The following EXOC3L2 variants were observed in gnomAD, a reference collection of about 807,000 sequenced individuals.
The protein encoded by EXOC3L2 is exocyst complex component 3 like 2.
EXOC3L2 carries 17 observed loss-of-function variants against 44.4 expected under a neutral mutation model. The observed-to-expected ratio is 0.38, with a 90% CI of 0.26 to 0.57. The LOEUF (loss-of-function observed/expected upper bound fraction) is 0.57. Among genes scored for constraint, EXOC3L2 ranks in the 20% least tolerant of loss-of-function variants. The pLI is 0.65. For missense variants in EXOC3L2, 541 were observed against 588.4 expected (o/e 0.92, Z 0.83); for synonymous variants, 256 against 253.7 (o/e 1.01, Z -0.09).
At chr19:45,216,245 C>A in intron 10 of EXOC3L2, 51 bp from the exon 11 acceptor site, 3 of 1,598,260 alleles carry the variant, frequency 1.9e-6, no homozygotes, top group South Asian at 1.1e-5. Flanking sequence ...TTGACCCTGC[C>A]AATTCCTGCC....
At chr19:45,215,709 G>A (rs1969825149) in intron 11 of EXOC3L2, among the ~76,000 whole-genome samples, 2 of 152,130 alleles carry the variant, frequency 1.3e-5, no homozygotes, top group Non-Finnish European at 2.9e-5. Context: ...GTTGAATGCC[G>A]CCTGCGCCTG....
rs1425265249 is a variant in EXOC3L2 at position 45,217,635 on chromosome 19, G to C, written c.1891C>G (p.Pro631Ala). The change falls in exon 10 of 12, where the codon CCC becomes GCC. Residue 631 changes from proline (P) to alanine (A), a missense_variant. Coordinates refer to ENST00000413988, the MANE Select transcript of EXOC3L2 (RefSeq NM_001382422.1). ...HRRALVEYVR[P>A]LLRGRLRCSS... is the part of the protein sequence containing the mutation. ...CAGCGCAGGCGCCCACGGAGCAGGG[G>C]CCGCACGTACTCGACCAGCGCCCGC... 1 of 1,462,660 alleles carries C rather than the reference G, an allele frequency of 6.8e-7. No individual in the cohort carries two copies. The highest frequency in any genetic ancestry group is 1.8e-4 in the Middle Eastern group (1 of 5,592). The allele number at this position is 1,462,660 out of a possible 1,614,324, so 90.6% of individuals were successfully genotyped here.
chr19:45,231,457 C>CAAAAAAAAAAAA (rs34610401), intron 4 of EXOC3L2, among the ~76,000 whole-genome samples: 1 of 61,322 alleles, frequency 1.6e-5, no homozygotes, highest in African/African-American at 6.4e-5. Context: ...GACCCTGCCT[C>CAAAAAAAAAAAA]AAAAAAAAAA....
intron 9 of EXOC3L2, 39 bp downstream of exon 9, chr19:45,218,158 T>TACCCCCCCC: frequency 2.6e-5 from 27 of 1,034,902 alleles, no homozygotes; most frequent in Non-Finnish European, 3.2e-5. Flanking sequence ...TCCCCTCTTT[T>TACCCCCCCC]CCCCCACCCC....
intron 8 of EXOC3L2, among the ~76,000 whole-genome samples, chr19:45,222,074 G>GCA (rs1199206524): frequency 6.6e-6 from 1 of 151,824 alleles, no homozygotes; most frequent in Non-Finnish European, 1.5e-5. Flanking sequence ...GCACACTCAT[G>GCA]CACACGGCGC....
chr19:45,237,672 G>T (rs1970095576), intron 2 of EXOC3L2, among the ~76,000 whole-genome samples: 1 of 152,010 alleles, frequency 6.6e-6, no homozygotes, highest in African/African-American at 2.4e-5. Context: ...TGAGGATGAA[G>T]ACAGGGTGGT....
chr19:45,223,684 G>C (rs1157604299), intron 8 of EXOC3L2, among the ~76,000 whole-genome samples: 1 of 150,904 alleles, frequency 6.6e-6, no homozygotes, highest in African/African-American at 2.4e-5. Flanking sequence ...AGGTCGCACT[G>C]AGGTGACATT....
chr19:45,239,868 G>A (rs1224081951), intron 1 of EXOC3L2, among the ~76,000 whole-genome samples: 1 of 151,914 alleles, frequency 6.6e-6, no homozygotes, highest in East Asian at 1.9e-4. Flanking sequence ...TGGAGAAACA[G>A]GCTGAGAGGG....
intron 1 of EXOC3L2, among the ~76,000 whole-genome samples, chr19:45,244,683 CG>C (rs1462645502): frequency 6.6e-6 from 1 of 152,168 alleles, no homozygotes; most frequent in Admixed American, 6.5e-5. Flanking sequence ...GCCTTTTCCC[CG>C]GAGTCCCTAA....
chr19:45,213,915 C>T (rs1969806247), intron 11 of EXOC3L2, among the ~76,000 whole-genome samples: 1 of 152,010 alleles, frequency 6.6e-6, no homozygotes, highest in African/African-American at 2.4e-5. Context: ...GATCGCGCCA[C>T]TGCAGTCCAG....
chr19:45,229,856 T>TATATGTACATTAATGTACAC (rs201990272), intron 4 of EXOC3L2, among the ~76,000 whole-genome samples: 31,456 of 147,596 alleles, frequency 0.21, 5,763 homozygotes, highest in African/African-American at 0.5. Context: ...AAAATATATA[T>TATATGTACATTAATGTACAC]ATGTGTACAT....
intron 8 of EXOC3L2, among the ~76,000 whole-genome samples, chr19:45,223,305 TAGC>T (rs1568480993): frequency 6.6e-6 from 1 of 151,762 alleles, no homozygotes; most frequent in African/African-American, 2.4e-5. Context: ...TGGAGAAAAA[TAGC>T]AGGGAGTCGG....
In EXOC3L2 at chr19:45,228,162, T is replaced by C; in HGVS notation, c.1371+3A>G. On this transcript the variant is annotated splice_donor_region_variant and intron_variant, in intron 5 of 11. Transcript: ENST00000413988. The stretch of plus-strand genomic sequence containing the variant: ...CATCCCCCAGCCTCCCTCCACCTCC[T>C]ACCTCACACACATCCTGGGCCAGGC... 1.9e-6 allele frequency: 3 copies of C among 1,613,960 alleles called. No individual in the cohort carries two copies. The highest frequency in any genetic ancestry group is 2.5e-6 in the Non-Finnish European group (3 of 1,179,942).
At position 45,234,865 on chromosome 19, in the gene EXOC3L2, G is replaced by A. The variant is rs912952088; in HGVS notation, c.524-39C>T. On this transcript the variant is annotated intron_variant, in intron 2 of 11. Coordinates refer to ENST00000413988, the MANE Select transcript of EXOC3L2 (RefSeq NM_001382422.1). This position sits in a 1 kb window ranked among gnomAD's most constrained non-coding sequence, Gnocchi z 5.0. The stretch of plus-strand genomic sequence containing the variant: ...GCGGGAGGTCAGCAGTGCGCGGGGG[G>A]GAGGAGGGCGATGCCGGACGCGGGG... The A allele has an allele frequency of 1.3e-5, 5 of 389,432 alleles. No homozygotes were observed. Among genetic ancestry groups the A allele is most frequent in the Admixed American group, 4.5e-5 (1 of 22,406 alleles). 24.1% of individuals were successfully genotyped at this position (389,432 alleles called of 1,614,324 possible).
intron 3 of EXOC3L2, among the ~76,000 whole-genome samples, chr19:45,233,679 T>A (rs918863430): frequency 6.6e-6 from 1 of 152,116 alleles, no homozygotes; most frequent in East Asian, 1.9e-4. Context: ...AGGTTCTAGG[T>A]CTGAAAGGGT....
At chr19:45,222,223 G>A (rs57294488) in intron 8 of EXOC3L2, among the ~76,000 whole-genome samples, 11,920 of 143,390 alleles carry the variant, frequency 0.083, 695 homozygotes, top group African/African-American at 0.16. Context: ...TTTTTGAGAC[G>A]GAGTCTCACT....
intron 8 of EXOC3L2, among the ~76,000 whole-genome samples, chr19:45,220,868 G>A (rs1243589491): frequency 6.6e-6 from 1 of 151,672 alleles, no homozygotes; most frequent in African/African-American, 2.4e-5. Flanking sequence ...GGAAAGTGGA[G>A]ATAGGGAGGG....
At chr19:45,220,467 C>A (rs757799800) in intron 8 of EXOC3L2, among the ~76,000 whole-genome samples, 8 of 152,036 alleles carry the variant, frequency 5.3e-5, no homozygotes, top group Non-Finnish European at 8.8e-5. Flanking sequence ...AAGATTCTAT[C>A]TCAAAAAAAC....
At chr19:45,245,033 C>T (rs773050942) in intron 1 of EXOC3L2, among the ~76,000 whole-genome samples, 2 of 151,970 alleles carry the variant, frequency 1.3e-5, no homozygotes, top group Non-Finnish European at 2.9e-5. Context: ...GCAGGACATT[C>T]GACCCAATGT....
Sources: gnomAD v4.1 joint callset for allele counts (sites outside exome capture counted in the v4.1 genomes callset) on GRCh38, gnomAD v4.1.1 for gene constraint, Gnocchi (gnomAD v3.1) non-coding constraint, MANE v1.5 for transcripts, NCBI Gene and HGNC (gene_info 2026-07-23, HGNC 2026-07-21) for gene names.